The following DLGAP2 variants were observed in gnomAD, a reference collection of about 807,000 sequenced individuals.
DLGAP2 encodes DLG associated protein 2, also known as disks large-associated protein 2.
In DLGAP2, 26 loss-of-function variants were observed where a neutral mutation model predicts 100.3. That is an observed-to-expected ratio of 0.26 (90% confidence interval 0.19 to 0.36). The LOEUF is 0.36. DLGAP2 is among the 10% of genes least tolerant of loss of function. The pLI is 1.00. For synonymous variants in DLGAP2, 886 were observed against 630.1 expected, an observed-to-expected ratio of 1.41 and a Z score of -6.08; for missense variants, 1,858 against 1,453.2, an observed-to-expected ratio of 1.28 and a Z score of -4.53.
intron 2 of DLGAP2, among the ~76,000 whole-genome samples, chr8:1,186,988 T>C (rs559783271): frequency 4.6e-5 from 7 of 152,314 alleles, no homozygotes; most frequent in South Asian, 2.1e-4. Context: ...CACCCGTTAA[T>C]TGAACAATCT....
intron 3 of DLGAP2, among the ~76,000 whole-genome samples, chr8:1,433,269 G>C (rs966570345): frequency 6.6e-6 from 1 of 152,210 alleles, no homozygotes; most frequent in African/African-American, 2.4e-5. Context: ...AACCCATCCA[G>C]CTCTCTGCTC....
intron 3 of DLGAP2, among the ~76,000 whole-genome samples, chr8:1,349,968 C>A (rs111891495): frequency 1.3e-5 from 2 of 152,160 alleles, no homozygotes; most frequent in Non-Finnish European, 2.9e-5. Context: ...TTTACAGAGG[C>A]TCTATTTTTT....
intron 2 of DLGAP2, among the ~76,000 whole-genome samples, chr8:1,049,872 TCACA>T (rs34172327): frequency 6.6e-6 from 1 of 151,900 alleles, no homozygotes; most frequent in African/African-American, 2.4e-5. Flanking sequence ...GCATTTACAG[TCACA>T]CACAAGTACA....
intron 3 of DLGAP2, among the ~76,000 whole-genome samples, chr8:1,419,926 A>G (rs1341175026): frequency 1.3e-5 from 2 of 152,226 alleles, no homozygotes; most frequent in Non-Finnish European, 2.9e-5. Flanking sequence ...CTGAGTGTCC[A>G]TCAACAGAAG....
intron 3 of DLGAP2, among the ~76,000 whole-genome samples, chr8:1,415,516 C>T (rs768771907): frequency 6.6e-6 from 1 of 152,118 alleles, no homozygotes; most frequent in Non-Finnish European, 1.5e-5. Flanking sequence ...TTTATGTCCA[C>T]GTGTGCCCTA....
intron 4 of DLGAP2, among the ~76,000 whole-genome samples, chr8:1,547,357 G>A (rs1801577468): frequency 6.6e-6 from 1 of 152,230 alleles, no homozygotes; most frequent in Non-Finnish European, 1.5e-5. Context: ...AAAAGTTGGT[G>A]GATGGGCTGG....
intron 1 of DLGAP2, among the ~76,000 whole-genome samples, chr8:861,228 T>A (rs1024809530): frequency 2.6e-5 from 4 of 152,186 alleles, no homozygotes; most frequent in African/African-American, 9.6e-5. Context: ...TGACATAGCA[T>A]TTACAATGTC....
chr8:1,243,228 G>C (rs1284280881), intron 2 of DLGAP2, among the ~76,000 whole-genome samples: 1 of 152,192 alleles, frequency 6.6e-6, no homozygotes, highest in Admixed American at 6.5e-5. Flanking sequence ...CAGAGAGCCT[G>C]CAGGCCCCTG....
chr8:1,258,510 G>T (rs1252034369), intron 2 of DLGAP2, among the ~76,000 whole-genome samples: 1 of 152,100 alleles, frequency 6.6e-6, no homozygotes, highest in African/African-American at 2.4e-5. Context: ...CTGGATGATG[G>T]ATTGATGGTT....
At position 1,267,637 on chromosome 8, in the gene DLGAP2, G is replaced by GAAATAAAATAATAAAA. The variant is rs1382093781; in HGVS notation, c.106+8754_106+8755insAAATAAAATAATAAAA. On this transcript the variant is annotated intron_variant, in intron 3 of 14. Coordinates refer to ENST00000637795, the MANE Select transcript of DLGAP2 (RefSeq NM_001346810.2). ...ATAAGATAAGATAAATATTAAATAG[G>GAAATAAAATAATAAAA]TCTACAAAAAGGCCTCCAGGGTCAG... 3.4e-3 allele frequency among the ~76,000 whole-genome samples: 311 copies of GAAATAAAATAATAAAA among 91,946 alleles called. 38 individuals carry two copies. The highest frequency in any genetic ancestry group is 0.015 in the Middle Eastern group (3 of 206). 60.3% of individuals were successfully genotyped at this position (91,946 alleles called of 152,430 possible). A position where few individuals can be genotyped will look rare whatever the true frequency, so the allele number is the denominator to read the frequency against.
intron 4 of DLGAP2, among the ~76,000 whole-genome samples, chr8:1,546,948 C>G (rs1034910754): frequency 6.6e-6 from 1 of 152,154 alleles, no homozygotes; most frequent in African/African-American, 2.4e-5. Context: ...GACGGCCACG[C>G]TCAGCCGTCG....
chr8:1,327,145 G>A (rs554789547), intron 3 of DLGAP2, among the ~76,000 whole-genome samples: 18 of 152,332 alleles, frequency 1.2e-4, no homozygotes, highest in Admixed American at 8.5e-4. Flanking sequence ...GACACTGAGC[G>A]AGATTACAGT....
chr8:982,407 C>G (rs536602873), intron 2 of DLGAP2, among the ~76,000 whole-genome samples: 34 of 152,204 alleles, frequency 2.2e-4, no homozygotes, highest in Non-Finnish European at 3.8e-4. Flanking sequence ...TCTTTTACCT[C>G]TGCTAAGTGG....
At chr8:1,198,751 C>A (rs148950676) in intron 2 of DLGAP2, among the ~76,000 whole-genome samples, 113 of 152,322 alleles carry the variant, frequency 7.4e-4, no homozygotes, top group African/African-American at 2.5e-3. Context: ...TGTCCTTTGG[C>A]AAGACCACAC....
chr8:1,156,610 C>CCCAGCCCAGCGTT (rs1554493430), intron 2 of DLGAP2, among the ~76,000 whole-genome samples: 15 of 27,318 alleles, frequency 5.5e-4, no homozygotes, highest in African/African-American at 1.4e-3. Flanking sequence ...AGCCTAGCGT[C>CCCAGCCCAGCGTT]CCAGCCCAGC....
chr8:1,013,595 C>T lies in DLGAP2; in HGVS notation c.73+105629C>T, dbSNP rs1157516856. ...TGACCTGGCCCAGCAAACGGACAGACGGCGCCTCCACTGTGTGTGTGACCA... is the reference window on the plus strand; with the variant it reads ...TGACCTGGCCCAGCAAACGGACAGATGGCGCCTCCACTGTGTGTGTGACCA... On this transcript the variant is annotated intron_variant, in intron 2 of 14. Transcript: ENST00000637795. Among the ~76,000 whole-genome samples, 25 of 148,872 alleles carry T rather than the reference C, an allele frequency of 1.7e-4. 1 individual carries two copies. The highest frequency in any genetic ancestry group is 3.9e-4 in the East Asian group (2 of 5,162).
intron 2 of DLGAP2, among the ~76,000 whole-genome samples, chr8:987,534 C>T (rs13274379): frequency 0.38 from 58,023 of 152,040 alleles, 12,155 homozygotes; most frequent in Admixed American, 0.53. Flanking sequence ...CATTTTCCAG[C>T]CTCTGTTGTT....
chr8:1,437,535 T>C (rs1447104333), intron 3 of DLGAP2, among the ~76,000 whole-genome samples: 1 of 152,142 alleles, frequency 6.6e-6, no homozygotes, highest in African/African-American at 2.4e-5. Flanking sequence ...ACACCTTAGT[T>C]CACGTGGATG....
chr8:1,115,708 A>C (rs1805094957), intron 2 of DLGAP2, among the ~76,000 whole-genome samples: 2 of 152,172 alleles, frequency 1.3e-5, no homozygotes, highest in African/African-American at 4.8e-5. Flanking sequence ...CAGTGCTGAG[A>C]CCACTGGCTA....
Sources: gnomAD v4.1 joint callset for allele counts (sites outside exome capture counted in the v4.1 genomes callset) on GRCh38, gnomAD v4.1.1 for gene constraint, MANE v1.5 for transcripts, NCBI Gene and HGNC (gene_info 2026-07-23, HGNC 2026-07-21) for gene names.